The following ASB2 variants were observed in gnomAD, a reference collection of about 807,000 sequenced individuals.
The protein encoded by ASB2 is ankyrin repeat and SOCS box protein 2.
In ASB2, 58 loss-of-function variants were observed where a neutral mutation model predicts 62.4. That is an observed-to-expected ratio of 0.93 (90% CI 0.75 to 1.16). The LOEUF is 1.16. ASB2 is among the 50% of genes most tolerant of loss of function. ASB2 has a pLI of 0.00. For synonymous variants in ASB2, 386 were observed against 385.3 expected, an observed-to-expected ratio of 1.00 and a Z score of -0.02; for missense variants, 928 against 887.9, an observed-to-expected ratio of 1.05 and a Z score of -0.57.
chr14:93,947,886 C>T (rs113039751), intron 6 of ASB2, among the ~76,000 whole-genome samples: 13,353 of 147,828 alleles, frequency 0.09, 816 homozygotes, highest in East Asian at 0.3. Context: ...CCCAGCTACT[C>T]GGGAGGCTGA....
Position 93,956,877 on chromosome 14 carries a change from G to A in ASB2, c.207-7C>T. The A allele has an allele frequency of 6.2e-7, 1 of 1,614,180 alleles. No individual in the cohort carries two copies. The highest frequency in any genetic ancestry group is 8.5e-7 in the Non-Finnish European group (1 of 1,180,016). Reference sequence around the variant, plus strand: ...CTCAGGAGGTGCAGTGGACCTGGAGGGTGCAGAGCAGGAGTGAAAGAGGGA... The same window carrying A: ...CTCAGGAGGTGCAGTGGACCTGGAGAGTGCAGAGCAGGAGTGAAAGAGGGA... On this transcript the variant is annotated splice_polypyrimidine_tract_variant and splice_region_variant and intron_variant, in intron 2 of 9. Coordinates refer to ENST00000555019, the MANE Select transcript of ASB2 (RefSeq NM_001202429.2).
intron 1 of ASB2, among the ~76,000 whole-genome samples, chr14:93,973,276 G>A (rs527604148): frequency 1.4e-4 from 21 of 152,330 alleles, no homozygotes; most frequent in African/African-American, 3.8e-4. Flanking sequence ...GAAATGGAGC[G>A]CCTCTTGCTG....
intron 2 of ASB2, among the ~76,000 whole-genome samples, chr14:93,964,113 G>A (rs1352123173): frequency 1.3e-5 from 2 of 152,210 alleles, no homozygotes; most frequent in African/African-American, 2.4e-5. Flanking sequence ...CACTGAGAGG[G>A]TCCTTAAGCG....
intron 9 of ASB2, 110 bp downstream of exon 9, chr14:93,937,588 G>C: frequency 1.8e-6 from 2 of 1,129,962 alleles, no homozygotes; most frequent in Non-Finnish European, 2.5e-6. Flanking sequence ...TACAGAGCCT[G>C]GCAAGCAGCA....
rs1889103966 is a variant in ASB2 at position 93,954,577 on chromosome 14, G to T, written c.312-94C>A. On this transcript the variant is annotated intron_variant, in intron 3 of 9. Transcript: ENST00000555019. ...GGAGTGCTGGCAGTGGAGTCACTCG[G>T]TCCTCGTCCCTGCTGGTTCCAGGAT... 8.6e-6 allele frequency: 10 copies of T among 1,161,092 alleles called. No individual in the cohort carries two copies. The East Asian group carries it at 2.4e-4, about 27-fold the overall frequency. The allele number at this position is 1,161,092 out of a possible 1,614,324, so 71.9% of individuals were successfully genotyped here. A position where few individuals can be genotyped will look rare whatever the true frequency, so the allele number is the denominator to read the frequency against.
chr14:93,943,641 A>G (rs1888615254), intron 7 of ASB2, among the ~76,000 whole-genome samples: 1 of 152,156 alleles, frequency 6.6e-6, no homozygotes, highest in Non-Finnish European at 1.5e-5. Context: ...GTCGGTCTCA[A>G]AAACAAACAA....
At chr14:93,971,992 TATAAC>T (rs1889768188) in intron 1 of ASB2, among the ~76,000 whole-genome samples, 3 of 148,400 alleles carry the variant, frequency 2.0e-5, no homozygotes, top group South Asian at 2.1e-4. Context: ...CATAATAACA[TATAAC>T]ATATAAGTAT....
chr14:93,942,340 C>A (rs1048612844), intron 7 of ASB2: 1 of 451,112 alleles, frequency 2.2e-6, no homozygotes, highest in African/African-American at 2.0e-5. Flanking sequence ...AATGCAGAGG[C>A]CACAACTACC....
At chr14:93,972,250 C>T (rs1054682238) in intron 1 of ASB2, among the ~76,000 whole-genome samples, 1 of 151,386 alleles carries the variant, frequency 6.6e-6, no homozygotes, top group African/African-American at 2.4e-5. Flanking sequence ...CCTTGCAATG[C>T]TCTCTCCTTC....
intron 5 of ASB2, among the ~76,000 whole-genome samples, chr14:93,952,638 C>T (rs1166224272): frequency 6.6e-6 from 1 of 152,168 alleles, no homozygotes; most frequent in South Asian, 2.1e-4. Context: ...CTGGGGTACC[C>T]CTTGCAAGCT....
chr14:93,946,558 G>A (rs1888730831), intron 7 of ASB2, among the ~76,000 whole-genome samples: 1 of 152,240 alleles, frequency 6.6e-6, no homozygotes, highest in African/African-American at 2.4e-5. Flanking sequence ...GGGAAGAGGT[G>A]TGCAGTCGGT....
chr14:93,966,720 C>A (rs1889604271), intron 1 of ASB2, among the ~76,000 whole-genome samples: 1 of 152,194 alleles, frequency 6.6e-6, no homozygotes, highest in South Asian at 2.1e-4. Context: ...GTCAAATCAT[C>A]TTAACGAATG....
intron 1 of ASB2, chr14:93,969,816 G>A (rs987790141): frequency 6.6e-6 from 1 of 152,242 alleles, no homozygotes; most frequent in African/African-American, 2.4e-5. Context: ...ATTGGTTCTT[G>A]AGAAGCCCCA....
chr14:93,967,317 C>T (rs1889624635), intron 1 of ASB2, among the ~76,000 whole-genome samples: 1 of 149,464 alleles, frequency 6.7e-6, no homozygotes, highest in African/African-American at 2.5e-5. Context: ...GGAAGGGGCT[C>T]TGCCCAGTGA....
In ASB2 at chr14:93,951,036, A is replaced by G. The variant is rs1888939810; in HGVS notation, c.843T>C (p.Ser281=). 8 of 1,613,988 alleles carry G rather than the reference A, an allele frequency of 5.0e-6. No individual in the cohort carries two copies. Among genetic ancestry groups the G allele is most frequent in the Middle Eastern group, 1.6e-4 (1 of 6,062 alleles). Residue 281 remains serine (S), a synonymous_variant, in exon 6 of 10, where the codon AGT becomes AGC. Coordinates refer to ENST00000555019, the MANE Select transcript of ASB2 (RefSeq NM_001202429.2). The part of the protein sequence containing the change: ...GITPLFVAAQ[S]GQLEALRFLA... ...AGAACCTCAAGGCCTCCAACTGTCC[A>G]CTCTGGGCGGCCACGAACAAGGGGG...
chr14:93,954,435 G>C lies in ASB2; in HGVS notation c.360C>G (p.Ala120=). The C allele has an allele frequency of 6.2e-7, 1 of 1,614,246 alleles. No homozygotes were observed. Among genetic ancestry groups the C allele is most frequent in the Non-Finnish European group, 8.5e-7 (1 of 1,180,050 alleles). Reference sequence around the variant, plus strand: ...TCCCTTCCTTGATCATGGTCTTCAAGGCCTCTTCATCGCCATCCTTGATGG... The same window carrying C: ...TCCCTTCCTTGATCATGGTCTTCAACGCCTCTTCATCGCCATCCTTGATGG... ...IKAIKDGDEE[A]LKTMIKEGKN... Residue 120 remains alanine (A), a synonymous_variant, in exon 4 of 10, where the codon GCC becomes GCG. Transcript: ENST00000555019.
Position 93,956,524 on chromosome 14 carries a change from G to GC in ASB2, c.311+241_311+242insG, listed in dbSNP as rs564101092. Among the ~76,000 whole-genome samples the GC allele has an allele frequency of 6.0e-4, 91 of 152,200 alleles. 2 individuals are homozygous for GC. The East Asian group carries it at 0.011, about 18-fold the overall frequency. On this transcript the variant is annotated intron_variant, in intron 3 of 9. Transcript: ENST00000555019. ...AGGTCCCATGCTGGGGGCATCTGAG[G>GC]GGGGGATCACCAGCATGCCTGGCTG...
chr14:93,940,952 A>G (rs1315134881), intron 7 of ASB2, among the ~76,000 whole-genome samples: 2 of 152,066 alleles, frequency 1.3e-5, no homozygotes, highest in African/African-American at 4.8e-5. Context: ...CAATGCCCCT[A>G]CCTCTTGTGT....
At position 93,951,301 on chromosome 14, in the gene ASB2, G is replaced by A. The variant is rs1229810045; in HGVS notation, c.635-57C>T. On this transcript the variant is annotated intron_variant, in intron 5 of 9. Transcript: ENST00000555019. Reference sequence around the variant, plus strand: ...AGGGCCTGGCAGGAACTGGCCAGCAGAGACTGCATTCATTCGCCTGTCCAT... The same window carrying A: ...AGGGCCTGGCAGGAACTGGCCAGCAAAGACTGCATTCATTCGCCTGTCCAT... The A allele has an allele frequency of 3.3e-6, 5 of 1,536,186 alleles. No homozygotes were observed. The African/African-American group carries it at 6.8e-5, about 21-fold the overall frequency.
Sources: allele counts gnomAD v4.1 joint callset (sites outside exome capture counted in the v4.1 genomes callset), GRCh38; gene constraint gnomAD v4.1.1; transcripts MANE v1.5; gene names NCBI Gene and HGNC (gene_info 2026-07-23, HGNC 2026-07-21).